Variants in ADPRHL1 observed in about 807,000 individuals in gnomAD.
ADPRHL1 encodes the protein ADP-ribosylhydrolase like 1.
Under a neutral mutation model 44.1 loss-of-function variants are expected in ADPRHL1, and 43 were observed. The observed-to-expected ratio is 0.98, with a 90% CI of 0.76 to 1.26. The LOEUF (loss-of-function observed/expected upper bound fraction) is 1.26, where lower values mean the gene tolerates loss of function less well. ADPRHL1 is among the 50% of genes most tolerant of loss of function. The pLI, the probability that ADPRHL1 is intolerant of heterozygous loss-of-function variation, is 0.00. For synonymous variants in ADPRHL1, 878 were observed against 1,017.4 expected, an observed-to-expected ratio of 0.86 and a Z score of 2.61; for missense variants, 2,022 against 2,496.9, an observed-to-expected ratio of 0.81 and a Z score of 4.05.
rs181145159 is a variant in ADPRHL1 at position 113,444,452 on chromosome 13, C to T, written c.352G>A (p.Ala118Thr). ...AQLKPNNYLL[A>T]WHTPFNEKGS... ...TTTTCATTGAACGGTGTGTGCCAGG[C>T]GAGAAGGTAGTTATTGGGCTTTAGC... The change falls in exon 2 of 8, where the codon GCC (alanine) becomes ACC (threonine). Residue 118 changes from alanine to threonine, a missense_variant. Ala to Thr is a moderately conservative substitution (Grantham distance 58, BLOSUM62 0). This residue lies in a region of ADPRHL1 where 437 missense variants were observed against 430.7 expected (regional missense o/e 1.01). Transcript: ENST00000612156. The T allele has an allele frequency of 1.5e-5, 25 of 1,614,120 alleles. No individual in the cohort carries two copies. The highest frequency in any genetic ancestry group is 5.0e-5 in the Admixed American group (3 of 60,016).
rs1423439466 is a variant in ADPRHL1, at chr13:113,428,136, TCGG to T, written c.646+813_646+815del. Among the ~76,000 whole-genome samples the T allele has an allele frequency of 1.5e-4, 22 of 151,296 alleles. No individual in the cohort carries two copies. The East Asian group carries it at 4.3e-3, about 30-fold the overall frequency. The stretch of plus-strand genomic sequence containing the variant: ...ACGGACGCCTGTAATCCCAGCTGCT[TCGG>T]CGGCTGAGGCAGGAGAATTGCTTGA... On this transcript the variant is annotated intron_variant, in intron 4 of 7. Coordinates refer to ENST00000612156, the MANE Select transcript of ADPRHL1 (RefSeq NM_001394807.1).
At chr13:113,447,489 A>C (rs2044150462) in intron 1 of ADPRHL1, among the ~76,000 whole-genome samples, 5 of 151,046 alleles carry the variant, frequency 3.3e-5, no homozygotes, top group South Asian at 2.1e-4. Context: ...TTGTGTGTGC[A>C]TGGTGTCTAC....
In ADPRHL1 at chr13:113,409,710, C is replaced by A. The variant is rs2043837331; in HGVS notation, c.1062-1490G>T. The A allele has an allele frequency of 4.1e-6, 3 of 734,962 alleles. No homozygotes were observed. Among genetic ancestry groups the A allele is most frequent in the Non-Finnish European group, 5.0e-6 (3 of 601,686 alleles). 45.5% of individuals were successfully genotyped at this position (734,962 alleles called of 1,614,324 possible). On this transcript the variant is annotated intron_variant, in intron 7 of 7. Coordinates refer to ENST00000612156, the MANE Select transcript of ADPRHL1 (RefSeq NM_001394807.1). This position sits in a 1 kb window ranked among gnomAD's most constrained non-coding sequence, Gnocchi z 4.2. Reference sequence around the variant, plus strand: ...GACCATCCTGGATAACACGGTGAAACCCCGTCTCTACTAAAGATATAAAAA... The same window carrying A: ...GACCATCCTGGATAACACGGTGAAAACCCGTCTCTACTAAAGATATAAAAA...
chr13:113,447,057 G>A (rs2044145167), intron 1 of ADPRHL1, among the ~76,000 whole-genome samples: 1 of 148,016 alleles, frequency 6.8e-6, no homozygotes, highest in Non-Finnish European at 1.5e-5. Context: ...GGTGTTGTGT[G>A]TGCATGGTGT....
Position 113,446,226 on chromosome 13 carries a change from G to A in ADPRHL1, c.215-1637C>T, listed in dbSNP as rs59449271. 2.1e-5 allele frequency among the ~76,000 whole-genome samples: 3 copies of A among 144,966 alleles called. No homozygotes were observed. In the East Asian group the frequency reaches 6.3e-4, roughly 31 times the overall value. ...CTTGGCTGTGAACCCCCTAGAGAGC[G>A]CTCAGGGCCCTGCAGCTGCAAACCC... On this transcript the variant is annotated intron_variant, in intron 1 of 7. Coordinates refer to ENST00000612156, the MANE Select transcript of ADPRHL1 (RefSeq NM_001394807.1).
chr13:113,436,847 G>C (rs2044062191), intron 2 of ADPRHL1, among the ~76,000 whole-genome samples: 7 of 124,876 alleles, frequency 5.6e-5, no homozygotes, highest in Admixed American at 5.6e-4. Flanking sequence ...GTGAACATAG[G>C]TGTACCCCGG....
At chr13:113,452,514 G>C (rs924618663) in intron 1 of ADPRHL1, among the ~76,000 whole-genome samples, 1 of 152,156 alleles carries the variant, frequency 6.6e-6, no homozygotes, top group Non-Finnish European at 1.5e-5. Context: ...CAAATGCCTC[G>C]TAGGAAAGCT....
chr13:113,421,016 TG>T (rs2043915075), intron 7 of ADPRHL1, among the ~76,000 whole-genome samples: 1 of 59,936 alleles, frequency 1.7e-5, no homozygotes, highest in Non-Finnish European at 3.1e-5. Context: ...TGCCTACCCC[TG>T]GGACACCCCT....
chr13:113,403,301 G>A lies in ADPRHL1; in HGVS notation c.*77C>T. 8.5e-7 allele frequency: 1 copy of A among 1,175,858 alleles called. No individual in the cohort carries two copies. The highest frequency in any genetic ancestry group is 1.1e-6 in the Non-Finnish European group (1 of 937,388). 72.8% of individuals were successfully genotyped at this position (1,175,858 alleles called of 1,614,324 possible). A position where few individuals can be genotyped will look rare whatever the true frequency, so the allele number is the denominator to read the frequency against. On this transcript the variant is annotated 3_prime_UTR_variant, in exon 8 of 8. Coordinates refer to ENST00000612156, the MANE Select transcript of ADPRHL1 (RefSeq NM_001394807.1). ...TAGGGGATGCTCCAAGACGCATTTG[G>A]AGGCAGGAAAATGCCTGAAGTCCCT... is the stretch of plus-strand genomic sequence containing the variant.
At chr13:113,438,674 T>G (rs568644412) in intron 2 of ADPRHL1, among the ~76,000 whole-genome samples, 1 of 152,172 alleles carries the variant, frequency 6.6e-6, no homozygotes, top group East Asian at 1.9e-4. Flanking sequence ...AGAGCGAGAC[T>G]CCATCTCAAA....
At position 113,439,444 on chromosome 13, in the gene ADPRHL1, A is replaced by AATTTT. The variant is rs1566479890; in HGVS notation, c.379+4980_379+4981insAAAAT. 1.5e-5 allele frequency among the ~76,000 whole-genome samples: 2 copies of AATTTT among 137,864 alleles called. 1 individual carries two copies. 90.4% of individuals were successfully genotyped at this position (137,864 alleles called of 152,430 possible). On this transcript the variant is annotated intron_variant, in intron 2 of 7. Transcript: ENST00000612156. ...AGCCTGGGCCTACAGTTTTCTTTGT[A>AATTTT]TTTTTTTTTTTTTTTTTTTCCTGAG...
intron 4 of ADPRHL1, among the ~76,000 whole-genome samples, chr13:113,426,422 CAG>C (rs1319705522): frequency 6.6e-6 from 1 of 152,368 alleles, no homozygotes; most frequent in East Asian, 1.9e-4. Flanking sequence ...CATGAGGTGA[CAG>C]GGCACAGATC....
At chr13:113,422,072 C>A (rs1438621357) in intron 7 of ADPRHL1, 1 of 152,248 alleles carries the variant, frequency 6.6e-6, no homozygotes, top group Non-Finnish European at 1.5e-5. Context: ...ACAGGGACAG[C>A]GCTTCCTCGT....
chr13:113,436,373 G>A (rs2044056505), intron 2 of ADPRHL1, among the ~76,000 whole-genome samples: 1 of 64,752 alleles, frequency 1.5e-5, no homozygotes, highest in Non-Finnish European at 3.3e-5. Context: ...CCCAGGTGTA[G>A]GGTGAACATA....
chr13:113,434,146 G>T (rs1247478904), intron 2 of ADPRHL1, among the ~76,000 whole-genome samples: 1 of 152,160 alleles, frequency 6.6e-6, no homozygotes. Flanking sequence ...TGCTTTCAAC[G>T]AGATGTTTTC....
intron 2 of ADPRHL1, among the ~76,000 whole-genome samples, chr13:113,444,032 A>G (rs1004662628): frequency 7.2e-5 from 11 of 152,238 alleles, no homozygotes; most frequent in Admixed American, 5.9e-4. Context: ...AAATATTTAT[A>G]ATATATAGAG....
chr13:113,426,930 G>A (rs1375597558), intron 4 of ADPRHL1, among the ~76,000 whole-genome samples: 1 of 152,218 alleles, frequency 6.6e-6, no homozygotes, highest in African/African-American at 2.4e-5. Context: ...CCAGAGCAGT[G>A]TTTCCGGAGG....
In ADPRHL1 at chr13:113,403,894, A is replaced by G. The variant is rs2043783176; in HGVS notation, c.5388T>C (p.Ala1796=). 1 of 1,239,834 alleles carries G rather than the reference A, an allele frequency of 8.1e-7. No individual in the cohort carries two copies. The highest frequency in any genetic ancestry group is 1.0e-6 in the Non-Finnish European group (1 of 986,642). 76.8% of individuals were successfully genotyped at this position (1,239,834 alleles called of 1,614,324 possible). A position where few individuals can be genotyped will look rare whatever the true frequency, so the allele number is the denominator to read the frequency against. ...GACCCTGTTCCCAAGCCCGTTCCTG[A>G]GCCCCTTTCTGGGTCTGCCTCTGAG... is the stretch of plus-strand genomic sequence containing the variant. The part of the protein sequence containing the change: ...IETQRQTQKG[A]QERAWEQGRE... The change falls in exon 8 of 8, where the codon GCT becomes GCC. Residue 1796 remains alanine (A), a synonymous_variant. Coordinates refer to ENST00000612156, the MANE Select transcript of ADPRHL1 (RefSeq NM_001394807.1).
intron 4 of ADPRHL1, among the ~76,000 whole-genome samples, chr13:113,428,036 G>A (rs1465276118): frequency 2.6e-5 from 4 of 152,176 alleles, no homozygotes; most frequent in Non-Finnish European, 4.4e-5. Flanking sequence ...AGGCCAAGGC[G>A]GGTCAGTTGA....
Sources: gnomAD v4.1 joint callset for allele counts (sites outside exome capture counted in the v4.1 genomes callset) on GRCh38, gnomAD v4.1.1 for gene constraint, gnomAD v4.1.1 regional missense constraint, Gnocchi (gnomAD v3.1) non-coding constraint, MANE v1.5 for transcripts, NCBI Gene and HGNC (gene_info 2026-07-23, HGNC 2026-07-21) for gene names.